The following POGLUT2 variants were observed in gnomAD, a reference collection of about 807,000 sequenced individuals.
The protein encoded by POGLUT2 is ER protein 58.
In POGLUT2, 47 loss-of-function variants were observed where a neutral mutation model predicts 57.6. The observed-to-expected ratio is 0.82, with a 90% confidence interval of 0.65 to 1.04. The LOEUF (loss-of-function observed/expected upper bound fraction) is 1.04. Among genes scored for constraint, POGLUT2 ranks in the 50% least tolerant of loss-of-function variants. The pLI is 0.00. For synonymous variants in POGLUT2, 200 were observed against 218.8 expected (o/e 0.91, Z 0.76); for missense variants, 565 against 614.8 (o/e 0.92, Z 0.86).
At chr13:102,795,601 A>G (rs1295028858) in intron 2 of POGLUT2, among the ~76,000 whole-genome samples, 2 of 152,150 alleles carry the variant, frequency 1.3e-5, no homozygotes, top group African/African-American at 4.8e-5. Flanking sequence ...AGTAATTCTC[A>G]AAACAGTCCA....
Position 102,796,996 on chromosome 13 carries a change from GAGA to G in POGLUT2, c.193_195del (p.Ser65del). 1.2e-6 allele frequency: 2 copies of G among 1,611,960 alleles called. No individual in the cohort carries two copies. Among genetic ancestry groups the G allele is most frequent in the Non-Finnish European group, 1.7e-6 (2 of 1,178,998 alleles). On this transcript the variant is annotated inframe_deletion, in exon 2 of 10. Coordinates refer to ENST00000376004, the MANE Select transcript of POGLUT2 (RefSeq NM_024089.3). ...TTCACCTGGAAGACCTTTTCGCCTG[GAGA>G]AGATGTGAATCTGTGATGAAAAGGC...
chr13:102,791,422 C>A lies in POGLUT2; in HGVS notation c.681G>T (p.Met227Ile). 6.3e-7 allele frequency: 1 copy of A among 1,585,836 alleles called. No homozygotes were observed. Among genetic ancestry groups the A allele is most frequent in the Non-Finnish European group, 8.5e-7 (1 of 1,171,944 alleles). ...AATTAACAAAGAGCTCCACATCTGG[C>A]ATCTTCACCTAGAAAAAACAAAACG... ...ILLSLTRKVK[M>I]PDVELFVNLG... The change falls in exon 5 of 10, where the codon ATG (methionine) becomes ATT (isoleucine). Residue 227 changes from methionine (M) to isoleucine (I), a missense_variant. Transcript: ENST00000376004.
At chr13:102,796,376 G>T (rs1031106422) in intron 2 of POGLUT2, among the ~76,000 whole-genome samples, 1 of 148,384 alleles carries the variant, frequency 6.7e-6, no homozygotes, top group South Asian at 2.1e-4. Context: ...TTGGAACAAA[G>T]ACAAAAAAAC....
Position 102,789,240 on chromosome 13 carries a change from G to C in POGLUT2, c.1084-19C>G. 2 of 1,593,886 alleles carry C rather than the reference G, an allele frequency of 1.3e-6. No homozygotes were observed. Among genetic ancestry groups the C allele is most frequent in the Non-Finnish European group, 1.7e-6 (2 of 1,161,758 alleles). ...ACTTATGCTGCAAAACAATGGTAAA[G>C]TCTAAGAACCTCTATTAAATCTCCT... On this transcript the variant is annotated intron_variant, in intron 6 of 9. Coordinates refer to ENST00000376004, the MANE Select transcript of POGLUT2 (RefSeq NM_024089.3).
intron 4 of POGLUT2, chr13:102,792,067 G>A: frequency 1.6e-6 from 2 of 1,287,856 alleles, no homozygotes; most frequent in Non-Finnish European, 2.0e-6. Flanking sequence ...ACAAAGAGGA[G>A]CAAGAGAAGT....
rs200944271 is a variant in POGLUT2, at chr13:102,796,793, T to A, written c.388+11A>T. 1.2e-4 allele frequency: 171 copies of A among 1,471,342 alleles called. 2 individuals are homozygous for A. The highest frequency in any genetic ancestry group is 7.2e-4 in the Middle Eastern group (4 of 5,550). 91.1% of individuals were successfully genotyped at this position (1,471,342 alleles called of 1,614,324 possible). ...CAAATACTGCTGTTATAAAATTATATTCCAAATTACCTTTTAAAATATATG... is the reference window on the plus strand; with the variant it reads ...CAAATACTGCTGTTATAAAATTATAATCCAAATTACCTTTTAAAATATATG... On this transcript the variant is annotated intron_variant, in intron 2 of 9. Coordinates refer to ENST00000376004, the MANE Select transcript of POGLUT2 (RefSeq NM_024089.3).
chr13:102,786,361 A>C (rs1166983043), intron 8 of POGLUT2, 22 bp from the exon 9 acceptor site: 1 of 1,468,668 alleles, frequency 6.8e-7, no homozygotes, highest in Non-Finnish European at 9.5e-7. Context: ...ACAATATAAA[A>C]GCATTCCTTA....
At position 102,786,324 on chromosome 13, in the gene POGLUT2, G is replaced by A. The variant is rs1038554167; in HGVS notation, c.1399C>T (p.Gln467Ter). The A allele has an allele frequency of 2.5e-6, 4 of 1,611,982 alleles. No individual in the cohort carries two copies. Among genetic ancestry groups the A allele is most frequent in the African/African-American group, 1.3e-5 (1 of 74,862 alleles). Residue 467 changes from glutamine (Q) to a stop codon, truncating the protein, a stop_gained, in exon 9 of 10, where the codon CAA becomes TAA. Transcript: ENST00000376004. LOFTEE classifies it high-confidence loss of function. Reference protein sequence around the residue: ...FKLFQEYANLQVSEPQIREGM... With the variant: ...FKLFQEYANL ...TCTCGGATTTGGGGCTCACTCACTT[G>A]TAAATTGGCATATTCCTGTTTAAGC...
At chr13:102,788,970 G>T in intron 7 of POGLUT2, 42 bp downstream of exon 7, 1 of 1,486,666 alleles carries the variant, frequency 6.7e-7, no homozygotes, top group South Asian at 1.1e-5. Flanking sequence ...CCATGATATT[G>T]GGAAACAAGT....
Position 102,793,651 on chromosome 13 carries a change from T to G in POGLUT2, c.544A>C (p.Arg182=), listed in dbSNP as rs912406584. The change falls in exon 3 of 10, where the codon AGA becomes CGA. Residue 182 remains arginine, a synonymous_variant. Coordinates refer to ENST00000376004, the MANE Select transcript of POGLUT2 (RefSeq NM_024089.3). ...PEKIAVEIPK[R]FGQRQSLCHY... The stretch of plus-strand genomic sequence containing the variant: ...CATAGGCTCTGCCTCTGTCCAAATC[T>G]TTTTGGGATTTCTACTGCAATCTTT... The G allele has an allele frequency of 1.2e-6, 2 of 1,614,130 alleles. No homozygotes were observed. Among genetic ancestry groups the G allele is most frequent in the East Asian group, 4.5e-5 (2 of 44,894 alleles).
chr13:102,787,678 T>G (rs1878002646), intron 8 of POGLUT2, among the ~76,000 whole-genome samples, 156 bp downstream of exon 8: 2 of 152,256 alleles, frequency 1.3e-5, no homozygotes, highest in Admixed American at 6.5e-5. Flanking sequence ...CAACTATTTT[T>G]TTATGATTAC....
chr13:102,793,503 G>A (rs1196869551), intron 3 of POGLUT2, 85 bp from the exon 4 acceptor site: 18 of 1,327,550 alleles, frequency 1.4e-5, no homozygotes, highest in Non-Finnish European at 1.6e-5. Context: ...GTGCTCATTC[G>A]AATGATGTTT....
At position 102,789,249 on chromosome 13, in the gene POGLUT2, C is replaced by A. The variant is rs1878076642; in HGVS notation, c.1084-28G>T. 3.2e-6 allele frequency: 5 copies of A among 1,570,394 alleles called. No individual in the cohort carries two copies. The East Asian group carries it at 1.1e-4, about 35-fold the overall frequency. On this transcript the variant is annotated intron_variant, in intron 6 of 9. Transcript: ENST00000376004. Reference sequence around the variant, plus strand: ...GCAAAACAATGGTAAAGTCTAAGAACCTCTATTAAATCTCCTTTTCTCCAC... The same window carrying A: ...GCAAAACAATGGTAAAGTCTAAGAAACTCTATTAAATCTCCTTTTCTCCAC...
chr13:102,784,585 A>G, intron 9 of POGLUT2, 73 bp from the exon 10 acceptor site: 3 of 920,308 alleles, frequency 3.3e-6, no homozygotes, highest in South Asian at 1.4e-5. Flanking sequence ...ACATTCGTTA[A>G]TTATTTTCCT....
At chr13:102,792,802 T>TG (rs76072979) in intron 4 of POGLUT2, among the ~76,000 whole-genome samples, 27 of 151,730 alleles carry the variant, frequency 1.8e-4, no homozygotes, top group South Asian at 1.5e-3. Context: ...TAATTTTTTT[T>TG]GGGGGGGGAC....
At chr13:102,785,755 C>A (rs1877915267) in intron 9 of POGLUT2, among the ~76,000 whole-genome samples, 1 of 152,102 alleles carries the variant, frequency 6.6e-6, no homozygotes, top group Non-Finnish European at 1.5e-5. Context: ...GTGAATCTGA[C>A]TTTCATTTTT....
At chr13:102,788,691 A>G (rs1351363332) in intron 7 of POGLUT2, among the ~76,000 whole-genome samples, 10 of 152,162 alleles carry the variant, frequency 6.6e-5, no homozygotes, top group Non-Finnish European at 1.3e-4. Flanking sequence ...TGACCATGTT[A>G]GCCAGGCTGG....
At position 102,795,550 on chromosome 13, in the gene POGLUT2, G is replaced by A. The variant is rs370916733; in HGVS notation, c.388+1254C>T. Among the ~76,000 whole-genome samples, 9 of 152,262 alleles carry A rather than the reference G, an allele frequency of 5.9e-5. No individual in the cohort carries two copies. In the East Asian group the frequency reaches 1.2e-3, roughly 20 times the overall value. On this transcript the variant is annotated intron_variant, in intron 2 of 9. Coordinates refer to ENST00000376004, the MANE Select transcript of POGLUT2 (RefSeq NM_024089.3). ...TGCACTCCAGCCTGGGCAACAGAGC[G>A]AGACCCTGTCTCAACAACAACGGCA...
chr13:102,794,658 C>T (rs1439550282), intron 2 of POGLUT2, among the ~76,000 whole-genome samples: 1 of 152,044 alleles, frequency 6.6e-6, no homozygotes, highest in African/African-American at 2.4e-5. Flanking sequence ...GAGTGAGACT[C>T]TTGTTTCAAA....
Sources: gnomAD v4.1 joint callset for allele counts (sites outside exome capture counted in the v4.1 genomes callset) on GRCh38, gnomAD v4.1.1 for gene constraint, MANE v1.5 for transcripts, NCBI Gene and HGNC (gene_info 2026-07-23, HGNC 2026-07-21) for gene names.